The following KCNMA1 variants were observed in gnomAD, a reference collection of about 807,000 sequenced individuals.
KCNMA1 encodes the protein potassium calcium-activated channel subfamily M alpha 1, also known as Calcium-activated potassium channel subunit alpha-1.
A neutral mutation model predicts 140.0 loss-of-function variants in KCNMA1; 29 were observed. The ratio of observed to expected loss-of-function variants is 0.21; its 90% CI spans 0.15 to 0.28. The LOEUF is 0.28. Among genes scored for constraint, KCNMA1 ranks in the 10% least tolerant of loss-of-function variants. The pLI is 1.00. For missense variants in KCNMA1, 880 were observed against 1,602.2 expected (o/e 0.55, Z 7.70); for synonymous variants, 612 against 611.9 (o/e 1.00, Z 0.00).
At chr10:77,169,397 A>AT (rs202138053) in intron 5 of KCNMA1, among the ~76,000 whole-genome samples, 170 of 149,584 alleles carry the variant, frequency 1.1e-3, no homozygotes, top group Non-Finnish European at 1.8e-3. Context: ...TTTTATTTTT[A>AT]TTTTTTTTTT....
intron 1 of KCNMA1, among the ~76,000 whole-genome samples, chr10:77,595,219 C>T (rs1047492647): frequency 6.6e-6 from 1 of 151,862 alleles, no homozygotes; most frequent in Admixed American, 6.6e-5. Context: ...TGGTGGTGGG[C>T]GCCTGTATTC....
chr10:77,121,103 T>A, intron 5 of KCNMA1, 55 bp from the exon 6 acceptor site: 1 of 1,127,014 alleles, frequency 8.9e-7, no homozygotes, highest in South Asian at 1.3e-5. Context: ...ATTTTAATGT[T>A]CACAGTCTGC....
rs2069019246 is a variant in KCNMA1 at position 77,568,006 on chromosome 10, C to T, written c.378+69259G>A. On this transcript the variant is annotated intron_variant, in intron 1 of 27. Coordinates refer to ENST00000286628, the MANE Select transcript of KCNMA1 (RefSeq NM_001161352.2). Reference sequence around the variant, plus strand: ...TAGAAGAAATGGATAAATTCCTCGACACATACACTCTCCCAAGACTAAACC... The same window carrying T: ...TAGAAGAAATGGATAAATTCCTCGATACATACACTCTCCCAAGACTAAACC... Among the ~76,000 whole-genome samples the T allele has an allele frequency of 2.6e-5, 4 of 152,310 alleles. 1 individual carries two copies. In the Middle Eastern group the frequency reaches 0.014, roughly 518 times the overall value.
At chr10:77,543,276 A>G (rs2060620257) in intron 1 of KCNMA1, among the ~76,000 whole-genome samples, 2 of 152,180 alleles carry the variant, frequency 1.3e-5, no homozygotes, top group Non-Finnish European at 2.9e-5. Context: ...ATGTTCCCCT[A>G]TAATGCTCCC....
Position 76,885,743 on chromosome 10 carries a change from C to T in KCNMA1, c.*1523G>A, listed in dbSNP as rs1047690757. 1 of 985,098 alleles carries T rather than the reference C, an allele frequency of 1.0e-6. No homozygotes were observed. The highest frequency in any genetic ancestry group is 1.7e-5 in the African/African-American group (1 of 57,176). 61.0% of individuals were successfully genotyped at this position (985,098 alleles called of 1,614,324 possible). On this transcript the variant is annotated 3_prime_UTR_variant, in exon 28 of 28. Coordinates refer to ENST00000286628, the MANE Select transcript of KCNMA1 (RefSeq NM_001161352.2). ...CCAGTTTTTAAGAAATACCGCACTG[C>T]CTAAAGCATGATTTGCATGCACAAA...
At chr10:77,198,568 G>GATATATATATATATATATATAT (rs3998087) in intron 3 of KCNMA1, among the ~76,000 whole-genome samples, 10 of 138,414 alleles carry the variant, frequency 7.2e-5, no homozygotes, top group Non-Finnish European at 1.1e-4. Context: ...ATATATATGT[G>GATATATATATATATATATATAT]ATATATATAT....
intron 6 of KCNMA1, among the ~76,000 whole-genome samples, chr10:77,118,088 A>G (rs2097522982): frequency 6.6e-6 from 1 of 152,230 alleles, no homozygotes. Flanking sequence ...ATTATTTCAA[A>G]TTGCATTGCA....
At chr10:77,425,148 G>A (rs2096955580) in intron 1 of KCNMA1, among the ~76,000 whole-genome samples, 1 of 151,858 alleles carries the variant, frequency 6.6e-6, no homozygotes, top group Non-Finnish European at 1.5e-5. Context: ...TGGATGGATG[G>A]ATGGATGAGG....
intron 9 of KCNMA1, among the ~76,000 whole-genome samples, chr10:77,102,235 T>C (rs1364151505): frequency 3.9e-5 from 6 of 152,150 alleles, no homozygotes; most frequent in Admixed American, 3.3e-4. Flanking sequence ...AAATAAATGA[T>C]CCATGCTCTG....
chr10:76,941,018 G>GAAGGAAGGAAGAAAGAAAGAAAGAAAGA (rs1554960623), intron 23 of KCNMA1, among the ~76,000 whole-genome samples: 2 of 38,256 alleles, frequency 5.2e-5, no homozygotes, highest in African/African-American at 2.7e-4. Flanking sequence ...AGGAAGGAAG[G>GAAGGAAGGAAGAAAGAAAGAAAGAAAGA]AAGAAAGAAA....
Position 77,108,196 on chromosome 10 carries a change from G to A in KCNMA1, c.1223+285C>T. On this transcript the variant is annotated intron_variant, in intron 9 of 27. Coordinates refer to ENST00000286628, the MANE Select transcript of KCNMA1 (RefSeq NM_001161352.2). This position sits in a 1 kb window ranked among gnomAD's most constrained non-coding sequence, Gnocchi z 4.6. The stretch of plus-strand genomic sequence containing the variant: ...GCCTTCCCTCACAGAAGCACCCGGT[G>A]GGGTTGGGGAGGGGCAGAATTCAGA... The A allele has an allele frequency of 6.8e-6, 7 of 1,025,896 alleles. No homozygotes were observed. Among genetic ancestry groups the A allele is most frequent in the Non-Finnish European group, 9.6e-6 (7 of 726,950 alleles). 63.5% of individuals were successfully genotyped at this position (1,025,896 alleles called of 1,614,324 possible). A position where few individuals can be genotyped will look rare whatever the true frequency, so the allele number is the denominator to read the frequency against.
intron 14 of KCNMA1, among the ~76,000 whole-genome samples, chr10:77,046,195 G>A (rs2095044844): frequency 6.6e-6 from 1 of 152,020 alleles, no homozygotes; most frequent in Non-Finnish European, 1.5e-5. Flanking sequence ...TCCTATAAAG[G>A]ATCCACAGTT....
At chr10:77,052,700 C>A (rs1199254619) in intron 14 of KCNMA1, among the ~76,000 whole-genome samples, 1 of 151,754 alleles carries the variant, frequency 6.6e-6, no homozygotes, top group Non-Finnish European at 1.5e-5. Flanking sequence ...ACAGACAGAG[C>A]AGTAGATGGG....
chr10:76,873,949 CAT>C (rs2031865589), downstream of KCNMA1: 1 of 151,944 alleles, frequency 6.6e-6, no homozygotes, highest in African/African-American at 2.4e-5. Context: ...CATGGGGAAA[CAT>C]AAATGGGGAA....
At chr10:77,212,703 G>A (rs920348034) in intron 3 of KCNMA1, among the ~76,000 whole-genome samples, 1 of 151,226 alleles carries the variant, frequency 6.6e-6, no homozygotes, top group African/African-American at 2.4e-5. Context: ...TCTCTCTCTT[G>A]CTGTCTTCTC....
intron 2 of KCNMA1, among the ~76,000 whole-genome samples, chr10:77,311,654 G>C (rs547681464): frequency 3.3e-5 from 5 of 152,306 alleles, no homozygotes; most frequent in Non-Finnish European, 2.9e-5. Flanking sequence ...GGCCAGAGAT[G>C]ATCCAATAAA....
Position 76,917,345 on chromosome 10 carries a change from A to G in KCNMA1, c.2903-2296T>C, listed in dbSNP as rs139640156. Reference sequence around the variant, plus strand: ...GTTTGTACGTCAAGGAATAGCACCCATAAAGCAGGGAGAAATGCAGGTCAC... The same window carrying G: ...GTTTGTACGTCAAGGAATAGCACCCGTAAAGCAGGGAGAAATGCAGGTCAC... On this transcript the variant is annotated intron_variant, in intron 23 of 27. Coordinates refer to ENST00000286628, the MANE Select transcript of KCNMA1 (RefSeq NM_001161352.2). Among the ~76,000 whole-genome samples the G allele has an allele frequency of 2.8e-3, 426 of 152,352 alleles. 6 individuals carry two copies. The highest frequency in any genetic ancestry group is 0.01 in the Middle Eastern group (3 of 294).
At chr10:77,480,400 C>T (rs999509489) in intron 1 of KCNMA1, among the ~76,000 whole-genome samples, 6 of 152,236 alleles carry the variant, frequency 3.9e-5, no homozygotes, top group Admixed American at 2.0e-4. Flanking sequence ...GAACCAGCCA[C>T]GTGATGGACC....
chr10:77,127,076 AC>A (rs1369490569), intron 5 of KCNMA1, among the ~76,000 whole-genome samples: 1 of 2,590 alleles, frequency 3.9e-4, no homozygotes, highest in Non-Finnish European at 6.3e-4. Context: ...ACACAAACAC[AC>A]ACACACACAC....
Sources: gnomAD v4.1 joint callset for allele counts (sites outside exome capture counted in the v4.1 genomes callset) on GRCh38, gnomAD v4.1.1 for gene constraint, Gnocchi (gnomAD v3.1) non-coding constraint, MANE v1.5 for transcripts, NCBI Gene and HGNC (gene_info 2026-07-23, HGNC 2026-07-21) for gene names.